CRPPA: variants seen among roughly 807,000 people sequenced by gnomAD.
CRPPA encodes CDP-L-ribitol pyrophosphorylase A, also known as D-ribitol-5-phosphate cytidylyltransferase.
A neutral mutation model predicts 52.0 loss-of-function variants in CRPPA; 43 were observed. The ratio of observed to expected loss-of-function variants is 0.83; its 90% CI spans 0.65 to 1.07. The LOEUF is 1.07. CRPPA is among the 50% of genes least tolerant of loss of function. The pLI, the probability that CRPPA is intolerant of heterozygous loss-of-function variation, is 0.00. For missense variants in CRPPA, 629 were observed against 551.7 expected, an observed-to-expected ratio of 1.14 and a Z score of -1.40; for synonymous variants, 250 against 203.5, an observed-to-expected ratio of 1.23 and a Z score of -1.94.
intron 3 of CRPPA, among the ~76,000 whole-genome samples, chr7:16,321,887 A>C (rs1015345009): frequency 8.5e-5 from 13 of 152,174 alleles, no homozygotes; most frequent in Non-Finnish European, 1.6e-4. Flanking sequence ...CTAAGTCCTG[A>C]GAAAGATGGT....
At chr7:16,126,537 C>A (rs74998590) in intron 9 of CRPPA, among the ~76,000 whole-genome samples, 1,786 of 152,050 alleles carry the variant, frequency 0.012, 34 homozygotes, top group African/African-American at 0.041. Flanking sequence ...GTTGGTATTT[C>A]AAAAAATTAA....
At chr7:16,327,195 G>A (rs1482091310) in intron 3 of CRPPA, among the ~76,000 whole-genome samples, 2 of 152,194 alleles carry the variant, frequency 1.3e-5, no homozygotes, top group African/African-American at 2.4e-5. Flanking sequence ...ACTCACTCCA[G>A]GTAAAACTGA....
At chr7:16,351,709 T>A (rs111816355) in intron 3 of CRPPA, among the ~76,000 whole-genome samples, 1 of 152,132 alleles carries the variant, frequency 6.6e-6, no homozygotes, top group African/African-American at 2.4e-5. Flanking sequence ...AAAACCACAA[T>A]GAGATACCAT....
At chr7:16,399,965 A>C (rs891101730) in intron 2 of CRPPA, among the ~76,000 whole-genome samples, 2 of 152,034 alleles carry the variant, frequency 1.3e-5, no homozygotes, top group African/African-American at 2.4e-5. Context: ...CATGGCTTAC[A>C]TGTGACACGA....
chr7:16,222,231 G>C (rs545512275), intron 8 of CRPPA, among the ~76,000 whole-genome samples: 1 of 148,904 alleles, frequency 6.7e-6, no homozygotes, highest in Non-Finnish European at 1.5e-5. Flanking sequence ...ACTCATAGGT[G>C]GGAATTGAAC....
At chr7:16,191,784 G>C (rs1781618265) in intron 9 of CRPPA, among the ~76,000 whole-genome samples, 2 of 151,972 alleles carry the variant, frequency 1.3e-5, no homozygotes, top group Admixed American at 6.6e-5. Context: ...ATCCACATCT[G>C]GGATCCTCAA....
intron 3 of CRPPA, among the ~76,000 whole-genome samples, chr7:16,358,434 G>A (rs961349513): frequency 5.9e-5 from 9 of 152,072 alleles, no homozygotes; most frequent in African/African-American, 1.7e-4. Context: ...TACCTTTCAC[G>A]GGCTAAATCC....
chr7:16,341,848 T>A (rs961246805), intron 3 of CRPPA, among the ~76,000 whole-genome samples: 2 of 152,162 alleles, frequency 1.3e-5, no homozygotes, highest in African/African-American at 4.8e-5. Context: ...AAAATTAGCT[T>A]TTCCACTATT....
intron 8 of CRPPA, among the ~76,000 whole-genome samples, 191 bp downstream of exon 8, chr7:16,258,199 A>G (rs1278018129): frequency 6.6e-6 from 1 of 152,170 alleles, no homozygotes; most frequent in Non-Finnish European, 1.5e-5. Context: ...CAGTTCAACC[A>G]AATGATTGCA....
At chr7:16,205,405 A>T (rs1781953094) in intron 9 of CRPPA, among the ~76,000 whole-genome samples, 1 of 152,010 alleles carries the variant, frequency 6.6e-6, no homozygotes, top group African/African-American at 2.4e-5. Context: ...TACGAATGAG[A>T]CTCTGAAATT....
intron 9 of CRPPA, among the ~76,000 whole-genome samples, chr7:16,100,483 A>C (rs1174134828): frequency 6.6e-6 from 1 of 152,208 alleles, no homozygotes; most frequent in Non-Finnish European, 1.5e-5. Context: ...ATAATTGGCT[A>C]ATTAACTCTA....
chr7:16,141,653 T>C (rs1782874066), intron 9 of CRPPA, among the ~76,000 whole-genome samples: 1 of 152,210 alleles, frequency 6.6e-6, no homozygotes, highest in Non-Finnish European at 1.5e-5. Flanking sequence ...CTTTAATCAC[T>C]ACATTTGAAA....
intron 9 of CRPPA, among the ~76,000 whole-genome samples, chr7:16,170,432 C>T (rs1005286281): frequency 6.6e-6 from 1 of 152,308 alleles, no homozygotes; most frequent in African/African-American, 2.4e-5. Flanking sequence ...GGAGTTTCTT[C>T]CTTCTGGTGG....
intron 9 of CRPPA, among the ~76,000 whole-genome samples, chr7:16,092,243 G>A (rs1030283057): frequency 2.0e-5 from 3 of 152,110 alleles, no homozygotes; most frequent in Non-Finnish European, 4.4e-5. Context: ...AGTAAGAATC[G>A]GGAAAATTCA....
chr7:16,410,769 G>C (rs573416580), intron 1 of CRPPA, among the ~76,000 whole-genome samples: 2 of 152,016 alleles, frequency 1.3e-5, no homozygotes, highest in Non-Finnish European at 2.9e-5. Flanking sequence ...ATTTGCATGT[G>C]CTGCTTACCT....
chr7:16,112,073 G>C (rs1164594227), intron 9 of CRPPA, among the ~76,000 whole-genome samples: 1 of 152,106 alleles, frequency 6.6e-6, no homozygotes, highest in Non-Finnish European at 1.5e-5. Context: ...CCAGCACTTT[G>C]GGAGGCTAAG....
At chr7:16,211,607 A>T (rs771997729) in intron 9 of CRPPA, among the ~76,000 whole-genome samples, 3 of 152,220 alleles carry the variant, frequency 2.0e-5, no homozygotes, top group Non-Finnish European at 2.9e-5. Context: ...GCTAACCGAC[A>T]GCATACACCC....
chr7:16,326,037 A>C (rs1326825114), intron 3 of CRPPA, among the ~76,000 whole-genome samples: 1 of 145,496 alleles, frequency 6.9e-6, no homozygotes, highest in Non-Finnish European at 1.5e-5. Context: ...AACATATGTA[A>C]ATATGCTTTA....
chr7:16,399,085 A>G (rs1787712064), intron 2 of CRPPA, among the ~76,000 whole-genome samples: 1 of 152,234 alleles, frequency 6.6e-6, no homozygotes, highest in Non-Finnish European at 1.5e-5. Flanking sequence ...CACGTGACTG[A>G]CACATGATAG....
Sources: gnomAD v4.1 joint callset for allele counts (sites outside exome capture counted in the v4.1 genomes callset) on GRCh38, gnomAD v4.1.1 for gene constraint, MANE v1.5 for transcripts, NCBI Gene and HGNC (gene_info 2026-07-23, HGNC 2026-07-21) for gene names.